Variants in FGGY observed in about 807,000 individuals in gnomAD.
The protein encoded by FGGY is FGGY carbohydrate kinase domain-containing protein.
A neutral mutation model predicts 71.3 loss-of-function variants in FGGY; 72 were observed. The ratio of observed to expected loss-of-function variants is 1.01; its 90% CI spans 0.84 to 1.23. The LOEUF (loss-of-function observed/expected upper bound fraction) is 1.23, where lower values mean the gene tolerates loss of function less well. FGGY is among the 50% of genes most tolerant of loss of function. The pLI, the probability that FGGY is intolerant of heterozygous loss-of-function variation, is 0.00. For missense variants in FGGY, 668 were observed against 682.3 expected (o/e 0.98, Z 0.23); for synonymous variants, 251 against 250.3 (o/e 1.00, Z -0.02).
At position 59,757,967 on chromosome 1, in the gene FGGY, G is replaced by A. The variant is rs560644175; in HGVS notation, c.1549G>A (p.Val517Met). 14 of 1,613,150 alleles carry A rather than the reference G, an allele frequency of 8.7e-6. No individual in the cohort carries two copies. In the East Asian group the frequency reaches 2.9e-4, roughly 33 times the overall value. ...AAAAATGAGCAAAGTTGGGAAAGTT[G>A]TGTTCCCGAGACTACAGGATAAAAA... Reference protein sequence around the residue: ...MAKMSKVGKVVFPRLQDKKYY... With the variant: ...MAKMSKVGKVMFPRLQDKKYY... Residue 517 changes from valine (V) to methionine (M), a missense_variant, in exon 15 of 16, where the codon GTG (valine) becomes ATG (methionine). Coordinates refer to ENST00000303721, the MANE Select transcript of FGGY (RefSeq NM_018291.5).
chr1:59,630,810 C>T (rs1022685873), intron 10 of FGGY, among the ~76,000 whole-genome samples: 1 of 152,304 alleles, frequency 6.6e-6, no homozygotes, highest in African/African-American at 2.4e-5. Flanking sequence ...GTGATGGAGT[C>T]AGAACTGGAT....
intron 14 of FGGY, among the ~76,000 whole-genome samples, chr1:59,712,881 AT>A (rs1404870115): frequency 6.6e-6 from 1 of 152,162 alleles, no homozygotes; most frequent in African/African-American, 2.4e-5. Context: ...CTCGTTACTT[AT>A]GCAAATTTCT....
chr1:59,553,628 T>A (rs139118920), intron 7 of FGGY, among the ~76,000 whole-genome samples: 8 of 152,362 alleles, frequency 5.3e-5, no homozygotes, highest in Admixed American at 5.2e-4. Flanking sequence ...CCTTTGCTTT[T>A]GCTTCTTTGG....
intron 14 of FGGY, among the ~76,000 whole-genome samples, chr1:59,753,918 C>T (rs2098268754): frequency 6.6e-6 from 1 of 152,046 alleles, no homozygotes; most frequent in Admixed American, 6.5e-5. Flanking sequence ...ATAATATAAC[C>T]TTTATGGTCC....
intron 7 of FGGY, among the ~76,000 whole-genome samples, chr1:59,537,985 A>G (rs937430328): frequency 5.3e-5 from 8 of 152,278 alleles, no homozygotes; most frequent in African/African-American, 1.7e-4. Context: ...ACAAAAGCCA[A>G]AATTGACAAA....
intron 13 of FGGY, among the ~76,000 whole-genome samples, chr1:59,667,648 T>A (rs115681386): frequency 1.2e-3 from 190 of 152,258 alleles, no homozygotes; most frequent in African/African-American, 4.5e-3. Flanking sequence ...ACGAGAGAAG[T>A]TGGCCAGGAC....
chr1:59,352,974 ATTCAAC>A (rs2053586509), intron 4 of FGGY, among the ~76,000 whole-genome samples: 1 of 152,206 alleles, frequency 6.6e-6, no homozygotes, highest in Admixed American at 6.5e-5. Flanking sequence ...TCTAATTACT[ATTCAAC>A]TGTGTTCATC....
intron 1 of FGGY, among the ~76,000 whole-genome samples, chr1:59,312,393 T>C (rs981618561): frequency 2.6e-5 from 4 of 152,234 alleles, no homozygotes; most frequent in Admixed American, 1.3e-4. Flanking sequence ...AGTTTCCTCA[T>C]GTAGATGGGA....
chr1:59,615,398 G>A (rs2096740957), intron 9 of FGGY, among the ~76,000 whole-genome samples: 1 of 152,130 alleles, frequency 6.6e-6, no homozygotes, highest in African/African-American at 2.4e-5. Flanking sequence ...AATGGGGAAA[G>A]GATTCCCTAT....
At chr1:59,323,743 A>G (rs2046824599) in intron 2 of FGGY, among the ~76,000 whole-genome samples, 1 of 152,178 alleles carries the variant, frequency 6.6e-6, no homozygotes, top group African/African-American at 2.4e-5. Context: ...ACCTACTTCC[A>G]TAGGATTGTT....
At chr1:59,568,538 G>A (rs1221909900) in intron 8 of FGGY, among the ~76,000 whole-genome samples, 1 of 152,014 alleles carries the variant, frequency 6.6e-6, no homozygotes, top group Non-Finnish European at 1.5e-5. Flanking sequence ...AGAGGTCACA[G>A]AGCTAGGAAG....
chr1:59,410,910 T>C (rs777763416), intron 5 of FGGY, among the ~76,000 whole-genome samples: 22 of 152,350 alleles, frequency 1.4e-4, no homozygotes, highest in Non-Finnish European at 2.9e-4. Flanking sequence ...ATTAGATTAA[T>C]TTTAGTTACT....
At position 59,330,799 on chromosome 1, in the gene FGGY, C is replaced by T. The variant is rs555090323; in HGVS notation, c.201+9049C>T. On this transcript the variant is annotated intron_variant, in intron 2 of 15. Coordinates refer to ENST00000303721, the MANE Select transcript of FGGY (RefSeq NM_018291.5). Reference sequence around the variant, plus strand: ...AGAAGGAAAGGGAGGCTAGAATTGACGATACAGGGGTAGGTGAGACAGCTG... The same window carrying T: ...AGAAGGAAAGGGAGGCTAGAATTGATGATACAGGGGTAGGTGAGACAGCTG... Among the ~76,000 whole-genome samples, 12 of 152,182 alleles carry T rather than the reference C, an allele frequency of 7.9e-5. 1 individual carries two copies. Among genetic ancestry groups the T allele is most frequent in the East Asian group, 1.9e-4 (1 of 5,168 alleles).
chr1:59,547,982 C>T (rs2095553020), intron 7 of FGGY, among the ~76,000 whole-genome samples: 2 of 152,142 alleles, frequency 1.3e-5, no homozygotes, highest in South Asian at 4.1e-4. Flanking sequence ...CCTCCGTTTG[C>T]TTATAGTGTA....
intron 10 of FGGY, among the ~76,000 whole-genome samples, chr1:59,634,258 T>C (rs568060963): frequency 6.6e-6 from 1 of 151,948 alleles, no homozygotes; most frequent in Admixed American, 6.6e-5. Flanking sequence ...TACAAAAAAT[T>C]TAGCTGGGCA....
At chr1:59,325,907 A>C (rs752854248) in intron 2 of FGGY, among the ~76,000 whole-genome samples, 3 of 152,214 alleles carry the variant, frequency 2.0e-5, no homozygotes, top group Non-Finnish European at 4.4e-5. Context: ...TAAATTTGGC[A>C]GGTTTTATTG....
chr1:59,660,490 T>A (rs772588205), intron 12 of FGGY, 197 bp downstream of exon 12: 8 of 412,948 alleles, frequency 1.9e-5, no homozygotes, highest in Non-Finnish European at 3.0e-5. Context: ...TAACCTCACA[T>A]AACAAAAAGC....
intron 8 of FGGY, among the ~76,000 whole-genome samples, chr1:59,570,971 T>C (rs1045909016): frequency 6.6e-6 from 1 of 152,174 alleles, no homozygotes; most frequent in East Asian, 1.9e-4. Context: ...TGCCATGATA[T>C]TTGAAGCCAC....
rs185928406 is a variant in FGGY at position 59,460,256 on chromosome 1, C to A, written c.670+3180C>A. ...CACACCAGGAGATTATATCCTGCGC[C>A]TGGCTCGGCGGGTCCCATGCCCAGG... On this transcript the variant is annotated intron_variant, in intron 6 of 15. Coordinates refer to ENST00000303721, the MANE Select transcript of FGGY (RefSeq NM_018291.5). Among the ~76,000 whole-genome samples, 623 of 152,332 alleles carry A rather than the reference C, an allele frequency of 4.1e-3. 4 individuals are homozygous for A. Among genetic ancestry groups the A allele is most frequent in the Non-Finnish European group, 6.4e-3 (436 of 68,018 alleles).
Sources: allele counts gnomAD v4.1 joint callset (sites outside exome capture counted in the v4.1 genomes callset), GRCh38; gene constraint gnomAD v4.1.1; transcripts MANE v1.5; gene names NCBI Gene and HGNC (gene_info 2026-07-23, HGNC 2026-07-21).